TLCD3B: variants seen among roughly 807,000 people sequenced by gnomAD.
TLCD3B encodes TLC domain containing 3B.
TLCD3B carries 9 observed loss-of-function variants against 23.0 expected under a neutral mutation model. The ratio of observed to expected loss-of-function variants is 0.39; its 90% CI spans 0.24 to 0.68. TLCD3B has a LOEUF of 0.68. Among genes scored for constraint, TLCD3B ranks in the 30% least tolerant of loss-of-function variants. The pLI is 0.44. For missense variants in TLCD3B, 307 were observed against 371.8 expected (o/e 0.83, Z 1.43); for synonymous variants, 161 against 161.0 (o/e 1.00, Z 0.00).
chr16:30,030,505 C>A lies in TLCD3B; in HGVS notation c.23G>T (p.Gly8Val). Residue 8 changes from glycine (G) to valine (V), a missense_variant, in exon 1 of 5, where the codon GGG (glycine) becomes GTG (valine). Gly to Val is a moderately radical substitution (Grantham distance 109). Coordinates refer to ENST00000380495, the MANE Select transcript of TLCD3B (RefSeq NM_031478.6). ...GAAGAGTCCGGGGAACACCACCCCC[C>A]CGGCCACCATCGGGGTCAGCATGGT... MLTPMVAGGVVFPGLFLL... is the reference protein window; with the variant it reads MLTPMVAVGVVFPGLFLL... The A allele has an allele frequency of 6.3e-7, 1 of 1,593,968 alleles. No individual in the cohort carries two copies. Among genetic ancestry groups the A allele is most frequent in the Non-Finnish European group, 8.5e-7 (1 of 1,172,632 alleles).
At chr16:30,027,243 G>A (rs531290656) in intron 2 of TLCD3B, 30 of 446,578 alleles carry the variant, frequency 6.7e-5, no homozygotes, top group South Asian at 1.3e-4. Context: ...CTGAAGGGGC[G>A]AGAGTGCTGG....
In TLCD3B at chr16:30,026,697, C is replaced by T; in HGVS notation, c.356G>A (p.Trp119Ter). The stretch of plus-strand genomic sequence containing the variant: ...GTGCAGGTAGCCACGCGCTATGGCC[C>T]ACGTGCTGCCCGGGGCTCTGGCCGC... ...DGAARAPGST[W>*]AIARGYLHKE... is the part of the protein sequence containing the mutation. Residue 119 changes from tryptophan (W) to a stop codon, truncating the protein, a stop_gained, in exon 3 of 5, where the codon TGG (tryptophan) becomes TAG (stop). Coordinates refer to ENST00000380495, the MANE Select transcript of TLCD3B (RefSeq NM_031478.6). LOFTEE classifies it high-confidence loss of function. 6.2e-7 allele frequency: 1 copy of T among 1,614,008 alleles called. No individual in the cohort carries two copies. Among genetic ancestry groups the T allele is most frequent in the Non-Finnish European group, 8.5e-7 (1 of 1,180,036 alleles).
upstream of TLCD3B, among the ~76,000 whole-genome samples, chr16:30,033,965 C>CA (rs996561875): frequency 6.6e-6 from 1 of 151,578 alleles, no homozygotes; most frequent in African/African-American, 2.4e-5. Context: ...GATTCTATCT[C>CA]AAAAAAATAA....
intron 2 of TLCD3B, among the ~76,000 whole-genome samples, chr16:30,028,818 G>A (rs1055920564): frequency 2.6e-5 from 4 of 152,192 alleles, no homozygotes; most frequent in Admixed American, 2.6e-4. Flanking sequence ...TAGGGCGGCC[G>A]TCAGCACCAC....
At chr16:30,033,617 G>C (rs945110016), upstream of TLCD3B, 2 of 152,200 alleles carry the variant, frequency 1.3e-5, no homozygotes, top group Non-Finnish European at 2.9e-5. Flanking sequence ...GTATGCAGTT[G>C]TCAGTATAGT....
At chr16:30,042,942 CA>C (rs1021436378) in intron 2 of TLCD3B, among the ~76,000 whole-genome samples, 1 of 151,544 alleles carries the variant, frequency 6.6e-6, no homozygotes, top group Non-Finnish European at 1.5e-5. Context: ...ACTAAAAATA[CA>C]AAAAAAATTA....
In TLCD3B at chr16:30,040,757, G is replaced by A. The variant is rs1298425204; in HGVS notation, c.-67+238C>T. On this transcript the variant is annotated intron_variant, in intron 3 of 6. Transcript: ENST00000561666. ...TGCAGCCTCCACCTCCCGGGCTCAA[G>A]TGATCCTTCCACCTCAGCCTCCTGA... Among the ~76,000 whole-genome samples the A allele has an allele frequency of 1.3e-5, 2 of 152,222 alleles. 1 individual carries two copies. The highest frequency in any genetic ancestry group is 6.8e-3 in the Middle Eastern group (2 of 294).
chr16:30,041,739 AG>A (rs1275275200), intron 2 of TLCD3B, among the ~76,000 whole-genome samples: 1 of 150,796 alleles, frequency 6.6e-6, no homozygotes, highest in Non-Finnish European at 1.5e-5. Flanking sequence ...AAAAAAAAAA[AG>A]TGTTGGGATT....
chr16:30,036,227 A>G, upstream of TLCD3B: 1 of 1,289,170 alleles, frequency 7.8e-7, no homozygotes, highest in Non-Finnish European at 1.0e-6. Flanking sequence ...TGGAAAAAGG[A>G]AGGGAGGGGG....
At chr16:30,052,912 G>C (rs144443798) in exon 1 of TLCD3B, 1 of 152,172 alleles carries the variant, frequency 6.6e-6, no homozygotes, top group Non-Finnish European at 1.5e-5. Flanking sequence ...TCCAACGTCC[G>C]GCATCTGATG....
At chr16:30,026,579 A>ACCCCCCC in intron 3 of TLCD3B, 30 bp downstream of exon 3, 2 of 1,585,776 alleles carry the variant, frequency 1.3e-6, no homozygotes, top group Non-Finnish European at 1.7e-6. Flanking sequence ...GGCCACCCGC[A>ACCCCCCC]CCCCGCCCGC....
rs1008836500 is a variant in TLCD3B, at chr16:30,030,543, G to C, written c.-16C>G. The C allele has an allele frequency of 1.4e-5, 22 of 1,562,916 alleles. No individual in the cohort carries two copies. Among genetic ancestry groups the C allele is most frequent in the Admixed American group, 2.1e-5 (1 of 46,568 alleles). ...GGGTCAGCATGGTGGCTCAGGACTT[G>C]GGCAGGGAGGCAGGCGGGCCGTGAA... is the stretch of plus-strand genomic sequence containing the variant. On this transcript the variant is annotated 5_prime_UTR_variant, in exon 1 of 5. Transcript: ENST00000380495.
Position 30,030,646 on chromosome 16 carries a change from G to C in TLCD3B, c.-119C>G. ...CCGGGAAGGAGGGAGAAAACGATGA[G>C]AAGGGGCACAAAGGGGCCAGGGCGG... On this transcript the variant is annotated 5_prime_UTR_variant, in exon 1 of 5. Coordinates refer to ENST00000380495, the MANE Select transcript of TLCD3B (RefSeq NM_031478.6). The C allele has an allele frequency of 7.9e-7, 1 of 1,261,474 alleles. No individual in the cohort carries two copies. The highest frequency in any genetic ancestry group is 1.0e-6 in the Non-Finnish European group (1 of 995,690). 78.1% of individuals were successfully genotyped at this position (1,261,474 alleles called of 1,614,324 possible). A position where few individuals can be genotyped will look rare whatever the true frequency, so the allele number is the denominator to read the frequency against.
In TLCD3B at chr16:30,025,151, G is replaced by T. The variant is rs572783834; in HGVS notation, c.*32C>A. ...AGAGCCCTGTCTCCACGGGGGTGGG[G>T]GTGGGGAGGGGGAGGGTCCCGGCCC... On this transcript the variant is annotated 3_prime_UTR_variant, in exon 5 of 5. Coordinates refer to ENST00000380495, the MANE Select transcript of TLCD3B (RefSeq NM_031478.6). This position sits in a 1 kb window ranked among gnomAD's most constrained non-coding sequence, Gnocchi z 4.1. 374 of 1,326,486 alleles carry T rather than the reference G, an allele frequency of 2.8e-4. 1 individual carries two copies. In the African/African-American group the frequency reaches 4.9e-3, roughly 18 times the overall value. The allele number at this position is 1,326,486 out of a possible 1,614,324, so 82.2% of individuals were successfully genotyped here. A position where few individuals can be genotyped will look rare whatever the true frequency, so the allele number is the denominator to read the frequency against.
In TLCD3B at chr16:30,052,413, C is replaced by T. The variant is rs138476963; in HGVS notation, c.-294+361G>A. ...AATAAATAAATCAGTAAAAAAGAACCGGGCCCGGCGCGGTGGCTCACGCCT... is the reference window on the plus strand; with the variant it reads ...AATAAATAAATCAGTAAAAAAGAACTGGGCCCGGCGCGGTGGCTCACGCCT... On this transcript the variant is annotated intron_variant, in intron 1 of 6. Transcript: ENST00000561666. Among the ~76,000 whole-genome samples the T allele has an allele frequency of 9.2e-3, 1,373 of 149,554 alleles. 8 individuals are homozygous for T. Among genetic ancestry groups the T allele is most frequent in the Non-Finnish European group, 0.016 (1,111 of 67,384 alleles).
chr16:30,045,546 GT>G (rs2071657236), intron 2 of TLCD3B, among the ~76,000 whole-genome samples: 1 of 138,724 alleles, frequency 7.2e-6, no homozygotes. Context: ...GTGTGTGTGT[GT>G]GGTGTATGTG....
intron 3 of TLCD3B, 118 bp downstream of exon 3, chr16:30,026,491 C>T (rs980694347): frequency 2.7e-5 from 23 of 859,046 alleles, no homozygotes; most frequent in East Asian, 1.1e-4. Context: ...CCTGGGAATA[C>T]GCTGGGTCTG....
chr16:30,046,160 G>A (rs747927256), intron 2 of TLCD3B, among the ~76,000 whole-genome samples: 2 of 151,994 alleles, frequency 1.3e-5, no homozygotes, highest in Non-Finnish European at 2.9e-5. Flanking sequence ...AGTCCACCAC[G>A]TGTGGAGGGG....
chr16:30,046,025 G>A (rs761454342), intron 2 of TLCD3B, among the ~76,000 whole-genome samples: 10 of 152,030 alleles, frequency 6.6e-5, no homozygotes, highest in Admixed American at 3.3e-4. Context: ...TGAGAGGATC[G>A]CTTGAGCTAG....
Sources: gnomAD v4.1 joint callset for allele counts (sites outside exome capture counted in the v4.1 genomes callset) on GRCh38, gnomAD v4.1.1 for gene constraint, Gnocchi (gnomAD v3.1) non-coding constraint, MANE v1.5 for transcripts, NCBI Gene and HGNC (gene_info 2026-07-23, HGNC 2026-07-21) for gene names.